The following FAM107B variants were observed in gnomAD, a reference collection of about 807,000 sequenced individuals.
FAM107B encodes protein FAM107B.
A neutral mutation model predicts 31.5 loss-of-function variants in FAM107B; 21 were observed. That is an observed-to-expected ratio of 0.67 (90% CI 0.47 to 0.96). The LOEUF (loss-of-function observed/expected upper bound fraction) is 0.96. FAM107B is among the 40% of genes least tolerant of loss of function. The pLI is 0.00. For missense variants in FAM107B, 452 were observed against 377.1 expected (o/e 1.20, Z -1.64); for synonymous variants, 157 against 141.5 (o/e 1.11, Z -0.78).
At chr10:14,565,767 G>C (rs557144090) in intron 2 of FAM107B, among the ~76,000 whole-genome samples, 33 of 152,328 alleles carry the variant, frequency 2.2e-4, no homozygotes, top group African/African-American at 7.5e-4. Flanking sequence ...GGGAGAGGAA[G>C]GGGAGGCTGC....
rs556373107 is a variant in FAM107B, at chr10:14,723,451, T to A, written c.411+50802A>T. The A allele has an allele frequency of 4.6e-5, 26 of 561,034 alleles. No homozygotes were observed. The African/African-American group carries it at 4.8e-4, about 10-fold the overall frequency. 34.8% of individuals were successfully genotyped at this position (561,034 alleles called of 1,614,324 possible). On this transcript the variant is annotated intron_variant, in intron 1 of 4. Coordinates refer to ENST00000181796, the MANE Select transcript of FAM107B (RefSeq NM_031453.4). Reference sequence around the variant, plus strand: ...AATCTCTTCAGGATGTCTGTACAAGTAGAGATCAGGCATGACCTGTCACGG... The same window carrying A: ...AATCTCTTCAGGATGTCTGTACAAGAAGAGATCAGGCATGACCTGTCACGG...
chr10:14,636,384 G>A (rs1340729650), intron 2 of FAM107B, among the ~76,000 whole-genome samples: 1 of 151,762 alleles, frequency 6.6e-6, no homozygotes, highest in Non-Finnish European at 1.5e-5. Context: ...AAATGTATAC[G>A]TTCTGCCTGT....
At chr10:14,612,893 C>A (rs997268407) in intron 2 of FAM107B, among the ~76,000 whole-genome samples, 4 of 152,140 alleles carry the variant, frequency 2.6e-5, no homozygotes, top group African/African-American at 9.7e-5. Context: ...TCTGGAAATG[C>A]AGATGAAATA....
At chr10:14,617,049 AG>A (rs1852872825) in intron 2 of FAM107B, among the ~76,000 whole-genome samples, 1 of 152,184 alleles carries the variant, frequency 6.6e-6, no homozygotes, top group Non-Finnish European at 1.5e-5. Context: ...ATAGGAGAAA[AG>A]AGAGAAGAAA....
chr10:14,548,616 G>A (rs1848940031), intron 2 of FAM107B: 1 of 985,370 alleles, frequency 1.0e-6, no homozygotes, highest in Non-Finnish European at 1.2e-6. Context: ...GACAGCCCCT[G>A]AGGAGGGCTC....
chr10:14,671,122 G>C lies in FAM107B; in HGVS notation c.412-3431C>G, dbSNP rs1181876793. Among the ~76,000 whole-genome samples the C allele has an allele frequency of 2.0e-5, 3 of 152,194 alleles. No individual in the cohort carries two copies. The East Asian group carries it at 5.8e-4, about 29-fold the overall frequency. Reference sequence around the variant, plus strand: ...AGAACTGTGGTTTTCTGTGCTCCGTGAAACCGACTCCTTCCCCACCATCCC... The same window carrying C: ...AGAACTGTGGTTTTCTGTGCTCCGTCAAACCGACTCCTTCCCCACCATCCC... On this transcript the variant is annotated intron_variant, in intron 1 of 4. Transcript: ENST00000181796.
chr10:14,611,484 TTATA>T (rs3035276), intron 2 of FAM107B, among the ~76,000 whole-genome samples: 3,320 of 123,952 alleles, frequency 0.027, 43 homozygotes, highest in East Asian at 0.058. Context: ...AATGCCAGTT[TTATA>T]TATATATATA....
intron 2 of FAM107B, among the ~76,000 whole-genome samples, chr10:14,665,845 T>A (rs1054247800): frequency 6.6e-6 from 1 of 152,226 alleles, no homozygotes; most frequent in African/African-American, 2.4e-5. Flanking sequence ...TATAGATATC[T>A]TCACATGATT....
intron 1 of FAM107B, among the ~76,000 whole-genome samples, chr10:14,684,281 C>A (rs144555768): frequency 6.6e-6 from 1 of 151,988 alleles, no homozygotes; most frequent in African/African-American, 2.4e-5. Flanking sequence ...GGTGAAACCC[C>A]GTCTCTACTA....
chr10:14,620,177 C>T (rs935599009), intron 2 of FAM107B, among the ~76,000 whole-genome samples: 3 of 152,012 alleles, frequency 2.0e-5, no homozygotes, highest in African/African-American at 7.2e-5. Flanking sequence ...TGCCACCATG[C>T]CCAGCTAATT....
chr10:14,741,704 T>C (rs902175184), intron 1 of FAM107B, among the ~76,000 whole-genome samples: 1 of 150,876 alleles, frequency 6.6e-6, no homozygotes, highest in Non-Finnish European at 1.5e-5. Context: ...CGACTTTCCA[T>C]GCATAACTCC....
At chr10:14,695,503 T>A (rs565699719) in intron 1 of FAM107B, among the ~76,000 whole-genome samples, 1 of 152,194 alleles carries the variant, frequency 6.6e-6, no homozygotes. Flanking sequence ...AATTTTAGAA[T>A]TTTTTTCCTA....
At chr10:14,621,470 A>T (rs1853008857) in intron 2 of FAM107B, among the ~76,000 whole-genome samples, 1 of 152,266 alleles carries the variant, frequency 6.6e-6, no homozygotes, top group Admixed American at 6.5e-5. Context: ...AACGTATATG[A>T]AATGGGACAT....
intron 2 of FAM107B, among the ~76,000 whole-genome samples, chr10:14,583,576 T>C (rs1341039921): frequency 1.3e-5 from 2 of 151,998 alleles, no homozygotes; most frequent in Non-Finnish European, 2.9e-5. Context: ...TTTTAAAAAG[T>C]GGTCGCGGAA....
chr10:14,602,318 C>T (rs551994074), intron 2 of FAM107B: 2 of 152,308 alleles, frequency 1.3e-5, no homozygotes, highest in East Asian at 3.9e-4. Flanking sequence ...AAATGTATTG[C>T]ATCATCCTAA....
At chr10:14,664,923 A>G (rs1272215366) in intron 2 of FAM107B, among the ~76,000 whole-genome samples, 1 of 152,224 alleles carries the variant, frequency 6.6e-6, no homozygotes, top group East Asian at 1.9e-4. Flanking sequence ...AACTAGAAAC[A>G]CAAGTACACC....
In FAM107B at chr10:14,759,724, T is replaced by C. The variant is rs1160493324; in HGVS notation, c.411+14529A>G. 1.3e-5 allele frequency among the ~76,000 whole-genome samples: 2 copies of C among 152,308 alleles called. 1 individual carries two copies. The highest frequency in any genetic ancestry group is 6.8e-3 in the Middle Eastern group (2 of 294). On this transcript the variant is annotated intron_variant, in intron 1 of 4. Transcript: ENST00000181796. ...TATAGAGCCTTCTTTTTTTTTCTTTTTTTTTAGATGGAGTCTCACCTCTGC... is the reference window on the plus strand; with the variant it reads ...TATAGAGCCTTCTTTTTTTTTCTTTCTTTTTAGATGGAGTCTCACCTCTGC...
intron 1 of FAM107B, among the ~76,000 whole-genome samples, chr10:14,671,322 C>T (rs149224080): frequency 6.6e-6 from 1 of 152,204 alleles, no homozygotes; most frequent in African/African-American, 2.4e-5. Flanking sequence ...AAAGGCTCGC[C>T]AACAATTTGA....
chr10:14,664,656 TATG>T (rs923908614), intron 2 of FAM107B, among the ~76,000 whole-genome samples: 3 of 152,216 alleles, frequency 2.0e-5, no homozygotes, highest in Admixed American at 2.0e-4. Context: ...AAGTGCCCTC[TATG>T]ATGTTCACAC....
Sources: allele counts gnomAD v4.1 joint callset (sites outside exome capture counted in the v4.1 genomes callset), GRCh38; gene constraint gnomAD v4.1.1; transcripts MANE v1.5; gene names NCBI Gene and HGNC (gene_info 2026-07-23, HGNC 2026-07-21).